The following TLE1 variants were observed in gnomAD, a reference collection of about 807,000 sequenced individuals.
TLE1 encodes the protein TLE family member 1, transcriptional corepressor, also known as transducin-like enhancer protein 1.
A neutral mutation model predicts 89.8 loss-of-function variants in TLE1; 21 were observed. That is an observed-to-expected ratio of 0.23 (90% CI 0.17 to 0.34). The LOEUF (loss-of-function observed/expected upper bound fraction) is 0.34, where lower values mean the gene tolerates loss of function less well. Among genes scored for constraint, TLE1 ranks in the 10% least tolerant of loss-of-function variants. The pLI is 1.00. For synonymous variants in TLE1, 447 were observed against 407.6 expected, an observed-to-expected ratio of 1.10 and a Z score of -1.16; for missense variants, 795 against 1,031.2, an observed-to-expected ratio of 0.77 and a Z score of 3.14.
rs189524129 is a variant in TLE1, at chr9:81,602,454, C to T, written c.1331+7766G>A. Among the ~76,000 whole-genome samples the T allele has an allele frequency of 3.3e-4, 51 of 152,240 alleles. 1 individual carries two copies. The East Asian group carries it at 9.5e-3, about 28-fold the overall frequency. On this transcript the variant is annotated intron_variant, in intron 14 of 19. Coordinates refer to ENST00000376499, the MANE Select transcript of TLE1 (RefSeq NM_005077.5). ...CCCAGTCTAAACACAAAATTCATTT[C>T]TGTTTCATACAGACCTTATGCACTT...
chr9:81,607,918 C>T (rs537696674), intron 14 of TLE1, among the ~76,000 whole-genome samples: 1 of 152,306 alleles, frequency 6.6e-6, no homozygotes, highest in South Asian at 2.1e-4. Flanking sequence ...TAGACAAAAA[C>T]CTCATTTCAT....
chr9:81,599,950 AAAG>A (rs1168911362), intron 14 of TLE1: 1 of 540,764 alleles, frequency 1.8e-6, no homozygotes, highest in African/African-American at 1.9e-5. Flanking sequence ...TGGATATGTA[AAAG>A]AAGATTACAA....
intron 8 of TLE1, among the ~76,000 whole-genome samples, chr9:81,621,820 G>A (rs12686261): frequency 2.0e-5 from 3 of 152,238 alleles, no homozygotes; most frequent in East Asian, 3.9e-4. Context: ...ACTGAGGACC[G>A]GAAGGCAATC....
chr9:81,627,473 A>C (rs1477093735), intron 8 of TLE1, among the ~76,000 whole-genome samples: 4 of 152,176 alleles, frequency 2.6e-5, no homozygotes, highest in Non-Finnish European at 5.9e-5. Flanking sequence ...GGCTCCTGAC[A>C]ATCTAGAAAC....
intron 9 of TLE1, 53 bp downstream of exon 9, chr9:81,620,388 C>T (rs779918321): frequency 7.5e-7 from 1 of 1,332,842 alleles, no homozygotes; most frequent in African/African-American, 1.5e-5. Context: ...TACTTGGATA[C>T]TCAGGTGAGC....
chr9:81,626,821 G>A (rs1280395067), intron 8 of TLE1, among the ~76,000 whole-genome samples: 6 of 152,086 alleles, frequency 3.9e-5, no homozygotes, highest in Non-Finnish European at 1.5e-5. Flanking sequence ...TTTGTAGCTG[G>A]CCCTTCTACC....
intron 8 of TLE1, among the ~76,000 whole-genome samples, chr9:81,632,400 G>GA (rs532071260): frequency 6.7e-6 from 1 of 150,364 alleles, no homozygotes. Flanking sequence ...GAAGAGGGGG[G>GA]AAAAAACCCT....
chr9:81,647,751 A>C (rs889419614), intron 6 of TLE1, among the ~76,000 whole-genome samples: 2 of 152,168 alleles, frequency 1.3e-5, no homozygotes, highest in African/African-American at 4.8e-5. Flanking sequence ...GAGGTCATAA[A>C]GCTAATAGAT....
At chr9:81,585,482 A>T (rs199694206) in intron 18 of TLE1, 23 bp downstream of exon 18, 1 of 1,601,414 alleles carries the variant, frequency 6.2e-7, no homozygotes, top group African/African-American at 1.3e-5. Flanking sequence ...AACGGCCTCC[A>T]GTTTCCTTTC....
At chr9:81,612,398 AT>A (rs1452508656) in intron 12 of TLE1, 3 of 986,200 alleles carry the variant, frequency 3.0e-6, no homozygotes, top group Non-Finnish European at 3.6e-6. Context: ...CCAATCCTGG[AT>A]TTACGTAAAC....
intron 4 of TLE1, among the ~76,000 whole-genome samples, chr9:81,675,916 G>A (rs892896776): frequency 6.6e-6 from 1 of 151,808 alleles, no homozygotes; most frequent in African/African-American, 2.4e-5. Context: ...GGCCAGGATG[G>A]TCTCGATCTC....
intron 6 of TLE1, among the ~76,000 whole-genome samples, chr9:81,649,166 A>C (rs141055926): frequency 0.051 from 7,727 of 152,238 alleles, 314 homozygotes; most frequent in Non-Finnish European, 0.072. Flanking sequence ...AATACCTAAG[A>C]AGCTTATTTT....
chr9:81,611,651 T>C (rs748732283), intron 13 of TLE1, 118 bp downstream of exon 13: 65 of 1,009,214 alleles, frequency 6.4e-5, no homozygotes, highest in Non-Finnish European at 8.0e-5. Context: ...CTCCGAGGTG[T>C]GTGGGGCTGG....
In TLE1 at chr9:81,669,499, G is replaced by C. The variant is rs145128253; in HGVS notation, c.235-15463C>G. 4.2e-3 allele frequency among the ~76,000 whole-genome samples: 639 copies of C among 152,334 alleles called. 7 individuals carry two copies. Among genetic ancestry groups the C allele is most frequent in the African/African-American group, 0.014 (596 of 41,574 alleles). ...AACGCAATTTTCCAGTCTGCAAGCA[G>C]TACTGTAAAGTAGAAATTTTAACTA... On this transcript the variant is annotated intron_variant, in intron 4 of 19. Coordinates refer to ENST00000376499, the MANE Select transcript of TLE1 (RefSeq NM_005077.5).
intron 14 of TLE1, among the ~76,000 whole-genome samples, chr9:81,608,309 A>G (rs952470965): frequency 3.9e-5 from 6 of 152,148 alleles, no homozygotes; most frequent in South Asian, 2.1e-4. Flanking sequence ...AAGTGCCCCA[A>G]CGACCAGCCT....
intron 8 of TLE1, among the ~76,000 whole-genome samples, chr9:81,621,114 G>A (rs906637567): frequency 6.6e-6 from 1 of 152,088 alleles, no homozygotes; most frequent in Non-Finnish European, 1.5e-5. Context: ...GGTGTTCCTC[G>A]CCAATAGCAC....
chr9:81,685,523 G>C (rs1291547345), intron 4 of TLE1, among the ~76,000 whole-genome samples, 153 bp downstream of exon 4: 1 of 152,078 alleles, frequency 6.6e-6, no homozygotes, highest in African/African-American at 2.4e-5. Context: ...CCTTGATGCA[G>C]AATACTACCA....
chr9:81,673,272 T>TAA lies in TLE1; in HGVS notation c.234+12402_234+12403dup, dbSNP rs5898756. 8.6e-3 allele frequency among the ~76,000 whole-genome samples: 840 copies of TAA among 97,956 alleles called. 11 individuals are homozygous for TAA. Among genetic ancestry groups the TAA allele is most frequent in the African/African-American group, 0.022 (557 of 25,014 alleles). 64.3% of individuals were successfully genotyped at this position (97,956 alleles called of 152,430 possible). Reference sequence around the variant, plus strand: ...TGGGGGACAAGAGCGAGACTTCATTTAAAAAAAAAAAAAAAAAAAAAACAG... The same window carrying TAA: ...TGGGGGACAAGAGCGAGACTTCATTTAAAAAAAAAAAAAAAAAAAAAAAACAG... On this transcript the variant is annotated intron_variant, in intron 4 of 19. Coordinates refer to ENST00000376499, the MANE Select transcript of TLE1 (RefSeq NM_005077.5).
At chr9:81,594,398 TGG>T (rs1433716111) in intron 14 of TLE1, among the ~76,000 whole-genome samples, 3 of 152,090 alleles carry the variant, frequency 2.0e-5, no homozygotes, top group Non-Finnish European at 4.4e-5. Context: ...TGGATGAAAC[TGG>T]AAACCATCAT....
Sources: gnomAD v4.1 joint callset for allele counts (sites outside exome capture counted in the v4.1 genomes callset) on GRCh38, gnomAD v4.1.1 for gene constraint, MANE v1.5 for transcripts, NCBI Gene and HGNC (gene_info 2026-07-23, HGNC 2026-07-21) for gene names.